The following LCA5 variants were observed in gnomAD, a reference collection of about 807,000 sequenced individuals.
LCA5 encodes lebercilin LCA5.
LCA5 carries 37 observed loss-of-function variants against 53.0 expected under a neutral mutation model. The observed-to-expected ratio is 0.70, with a 90% confidence interval of 0.54 to 0.92. The LOEUF is 0.92. Among genes scored for constraint, LCA5 ranks in the 40% least tolerant of loss-of-function variants. LCA5 has a pLI of 0.00. For synonymous variants in LCA5, 303 were observed against 282.9 expected (o/e 1.07, Z -0.71); for missense variants, 806 against 790.5 (o/e 1.02, Z -0.23).
rs567088361 is a variant in LCA5, at chr6:79,510,171, A to G, written c.720+3041T>C. 6.6e-5 allele frequency among the ~76,000 whole-genome samples: 10 copies of G among 152,334 alleles called. No homozygotes were observed. In the South Asian group the frequency reaches 2.1e-3, roughly 32 times the overall value. The stretch of plus-strand genomic sequence containing the variant: ...CAAAGGAATAGACACACAGATCAAC[A>G]GAACAGAATAGAGACTATAGAAATA... On this transcript the variant is annotated intron_variant, in intron 3 of 7. Transcript: ENST00000369846.
intron 6 of LCA5, 121 bp downstream of exon 6, chr6:79,491,467 A>G: frequency 9.9e-7 from 1 of 1,009,850 alleles, no homozygotes; most frequent in Admixed American, 1.9e-5. Flanking sequence ...CAAAAAGGCT[A>G]GTCGCATATT....
Position 79,486,865 on chromosome 6 carries a change from T to A in LCA5, c.*139A>T, listed in dbSNP as rs182417813. On this transcript the variant is annotated 3_prime_UTR_variant, in exon 8 of 8. Transcript: ENST00000369846. ...TGGTGTATGTATGATCTACTTCTTTTTAACTGCATTGTATTTAGCTATTAA... is the reference window on the plus strand; with the variant it reads ...TGGTGTATGTATGATCTACTTCTTTATAACTGCATTGTATTTAGCTATTAA... The A allele has an allele frequency of 3.7e-4, 262 of 717,204 alleles. 3 individuals are homozygous for A. In the African/African-American group the frequency reaches 4.1e-3, roughly 11 times the overall value. The allele number at this position is 717,204 out of a possible 1,614,324, so 44.4% of individuals were successfully genotyped here.
intron 3 of LCA5, among the ~76,000 whole-genome samples, chr6:79,499,852 C>A (rs946686937): frequency 1.3e-5 from 2 of 151,416 alleles, no homozygotes; most frequent in East Asian, 3.9e-4. Context: ...CCCACTCCCC[C>A]CACCCCACAA....
chr6:79,492,203 G>A (rs1429022909), intron 5 of LCA5, among the ~76,000 whole-genome samples: 1 of 151,816 alleles, frequency 6.6e-6, no homozygotes, highest in African/African-American at 2.4e-5. Flanking sequence ...AATAAAACTG[G>A]TAAAAAGTAT....
chr6:79,538,391 C>T (rs1246104698), upstream of LCA5, among the ~76,000 whole-genome samples: 1 of 152,144 alleles, frequency 6.6e-6, no homozygotes. Flanking sequence ...TGTTTCAAAG[C>T]TTTCATTTTA....
At chr6:79,491,161 A>C (rs1769827198) in intron 6 of LCA5, among the ~76,000 whole-genome samples, 3 of 152,096 alleles carry the variant, frequency 2.0e-5, no homozygotes, top group African/African-American at 7.2e-5. Flanking sequence ...TCGGTACATA[A>C]GAGAAACTTA....
chr6:79,522,437 GAC>G (rs1268346819), intron 1 of LCA5, among the ~76,000 whole-genome samples: 1 of 151,948 alleles, frequency 6.6e-6, no homozygotes, highest in African/African-American at 2.4e-5. Context: ...AAATGTAAAT[GAC>G]ACTGAAAGTA....
At chr6:79,503,863 G>A (rs1249212077) in intron 3 of LCA5, among the ~76,000 whole-genome samples, 1 of 152,202 alleles carries the variant, frequency 6.6e-6, no homozygotes, top group Non-Finnish European at 1.5e-5. Flanking sequence ...GGTATTAACA[G>A]TCTAACTAAT....
At chr6:79,516,883 AAAAC>A (rs1185096570) in intron 2 of LCA5, among the ~76,000 whole-genome samples, 1 of 152,034 alleles carries the variant, frequency 6.6e-6, no homozygotes, top group African/African-American at 2.4e-5. Context: ...TATTATTGAA[AAAAC>A]AAATAATGGA....
chr6:79,529,050 T>TA (rs1176630299), intron 1 of LCA5, among the ~76,000 whole-genome samples: 10 of 150,880 alleles, frequency 6.6e-5, no homozygotes, highest in African/African-American at 2.4e-4. Flanking sequence ...CTTCAATCCT[T>TA]ACATCTCTCA....
At position 79,487,342 on chromosome 6, in the gene LCA5, T is replaced by C. The variant is rs772573829; in HGVS notation, c.1756A>G (p.Lys586Glu). ...FLDFQRNSME[K>E]LSKDGVDLIT... ...AAATCTACACCATCTTTACTAAGTT[T>C]TTCCATACTGTTTCTTTGGAAATCC... Residue 586 changes from lysine to glutamate, a missense_variant, in exon 8 of 8, where the codon AAA becomes GAA. By Grantham distance (56) the Lys-to-Glu change is moderately conservative. Transcript: ENST00000369846. The C allele has an allele frequency of 3.1e-6, 5 of 1,613,778 alleles. No individual in the cohort carries two copies. Among genetic ancestry groups the C allele is most frequent in the Non-Finnish European group, 4.2e-6 (5 of 1,179,914 alleles).
intron 1 of LCA5, among the ~76,000 whole-genome samples, chr6:79,525,500 A>C (rs1766757979): frequency 6.6e-6 from 1 of 152,218 alleles, no homozygotes; most frequent in African/African-American, 2.4e-5. Context: ...CTTGCCAGCC[A>C]AACAAAAATT....
rs577982866 is a variant in LCA5, at chr6:79,485,730, A to T, written c.*1274T>A. On this transcript the variant is annotated 3_prime_UTR_variant, in exon 8 of 8. Coordinates refer to ENST00000369846, the MANE Select transcript of LCA5 (RefSeq NM_001122769.3). ...GAGCAAATGCTAGTAAATTCTTGAA[A>T]AAAACAGCTCACTTTAGAATAAGTG... 7 of 152,328 alleles carry T rather than the reference A, an allele frequency of 4.6e-5. No homozygotes were observed. The highest frequency in any genetic ancestry group is 1.7e-4 in the African/African-American group (7 of 41,588). The allele number at this position is 152,328 out of a possible 1,614,324, so 9.4% of individuals were successfully genotyped here.
Position 79,491,743 on chromosome 6 carries a change from T to G in LCA5, c.956-13A>C. ...CTCTGGCATGCAGCTACAGTGAAAA[T>G]TATTTTTAAAAAATTATTACAATGA... On this transcript the variant is annotated splice_polypyrimidine_tract_variant and intron_variant, in intron 5 of 7. Transcript: ENST00000369846. 1.2e-6 allele frequency: 2 copies of G among 1,610,442 alleles called. No individual in the cohort carries two copies. Among genetic ancestry groups the G allele is most frequent in the Non-Finnish European group, 1.7e-6 (2 of 1,177,676 alleles).
intron 3 of LCA5, among the ~76,000 whole-genome samples, chr6:79,499,896 T>C (rs1386791814): frequency 6.7e-6 from 1 of 150,176 alleles, no homozygotes; most frequent in Non-Finnish European, 1.5e-5. Context: ...CCTTCCTGTG[T>C]CCATGTGTTC....
intron 3 of LCA5, among the ~76,000 whole-genome samples, chr6:79,502,341 C>T (rs977219065): frequency 5.9e-5 from 9 of 152,162 alleles, no homozygotes; most frequent in African/African-American, 1.9e-4. Context: ...ACTCATAATC[C>T]AATAGTTATG....
chr6:79,503,786 C>CTG (rs111771688), intron 3 of LCA5, among the ~76,000 whole-genome samples: 30 of 152,196 alleles, frequency 2.0e-4, no homozygotes, highest in East Asian at 1.2e-3. Flanking sequence ...GAATTTGAAA[C>CTG]TGTGTGTGTG....
In LCA5 at chr6:79,489,228, TA is replaced by T. The variant is rs758971407; in HGVS notation, c.1099-13del. ...TGAGATTGCAAGTCCTATTATACGTTAAAAAAAATGCAAGTTCACAAATTAT... is the reference window on the plus strand; with the variant it reads ...TGAGATTGCAAGTCCTATTATACGTTAAAAAAATGCAAGTTCACAAATTAT... On this transcript the variant is annotated splice_polypyrimidine_tract_variant and intron_variant, in intron 6 of 7. Transcript: ENST00000369846. The T allele has an allele frequency of 4.6e-5, 74 of 1,606,532 alleles. No individual in the cohort carries two copies. Among genetic ancestry groups the T allele is most frequent in the South Asian group, 9.9e-5 (9 of 90,922 alleles).
chr6:79,524,316 C>T (rs1232361321), intron 1 of LCA5, among the ~76,000 whole-genome samples: 2 of 152,096 alleles, frequency 1.3e-5, no homozygotes, highest in East Asian at 3.9e-4. Context: ...GGTCCACATC[C>T]TTAAATAATT....
Sources: gnomAD v4.1 joint callset for allele counts (sites outside exome capture counted in the v4.1 genomes callset) on GRCh38, gnomAD v4.1.1 for gene constraint, MANE v1.5 for transcripts, NCBI Gene and HGNC (gene_info 2026-07-23, HGNC 2026-07-21) for gene names.